Variants in ANXA8 observed in about 807,000 individuals in gnomAD.
ANXA8 encodes annexin A8.
In ANXA8, 9 loss-of-function variants were observed where a neutral mutation model predicts 26.8. That is an observed-to-expected ratio of 0.34 (90% CI 0.20 to 0.59). ANXA8 has a LOEUF of 0.59. Ranked by LOEUF, ANXA8 falls within the 20% of genes least tolerant of loss-of-function variation. The pLI is 0.84. For synonymous variants in ANXA8, 39 were observed against 94.8 expected, an observed-to-expected ratio of 0.41 and a Z score of 3.42; for missense variants, 83 against 238.5, an observed-to-expected ratio of 0.35 and a Z score of 4.29.
the ANXA8 span, among the ~76,000 whole-genome samples, chr10:47,666,225 G>A: frequency 6.8e-6 from 1 of 146,794 alleles, no homozygotes; most frequent in African/African-American, 2.6e-5. Flanking sequence ...TTTTTGTTGG[G>A]AGGCTTATGT....
At chr10:47,694,387 A>G in the ANXA8 span, among the ~76,000 whole-genome samples, 4 of 144,774 alleles carry the variant, frequency 2.8e-5, no homozygotes, top group Non-Finnish European at 4.5e-5. Flanking sequence ...CATACTACCT[A>G]TTGATATATA....
chr10:47,946,481 T>C, the ANXA8 span, among the ~76,000 whole-genome samples: 1 of 150,220 alleles, frequency 6.7e-6, no homozygotes, highest in Non-Finnish European at 1.5e-5. Context: ...AGCAAATGCT[T>C]AGTAAGCATT....
At chr10:47,630,095 A>AACTCATAGGAATTAGAT in the ANXA8 span, among the ~76,000 whole-genome samples, 3 of 40,274 alleles carry the variant, frequency 7.4e-5, no homozygotes, top group East Asian at 8.5e-4. Context: ...TAAACTGAAA[A>AACTCATAGGAATTAGAT]GTGTGTTTTA....
chr10:47,700,503 C>T, the ANXA8 span, among the ~76,000 whole-genome samples: 2 of 151,658 alleles, frequency 1.3e-5, no homozygotes, highest in South Asian at 4.2e-4. Flanking sequence ...TAATAAACAC[C>T]ATATGGATTA....
At chr10:47,589,840 C>T in the ANXA8 span, among the ~76,000 whole-genome samples, 8 of 144,834 alleles carry the variant, frequency 5.5e-5, no homozygotes, top group Non-Finnish European at 1.0e-4. Context: ...AGATTCTCCA[C>T]TAGATCTAAG....
At chr10:47,607,935 G>A in the ANXA8 span, among the ~76,000 whole-genome samples, 1 of 130,954 alleles carries the variant, frequency 7.6e-6, no homozygotes, top group African/African-American at 3.2e-5. Flanking sequence ...TATGAAAACT[G>A]TTTAATCTGT....
the ANXA8 span, among the ~76,000 whole-genome samples, chr10:47,681,463 CT>C: frequency 3.3e-5 from 5 of 149,372 alleles, no homozygotes; most frequent in South Asian, 2.1e-4. Context: ...AGGCATACCC[CT>C]GGCACCTACC....
the ANXA8 span, among the ~76,000 whole-genome samples, chr10:47,977,642 A>C: frequency 1.3e-5 from 2 of 151,676 alleles, no homozygotes; most frequent in Admixed American, 1.3e-4. Context: ...AAAAAGGGAA[A>C]AAAATAAAAT....
chr10:47,587,241 G>A, the ANXA8 span, among the ~76,000 whole-genome samples: 1 of 148,788 alleles, frequency 6.7e-6, no homozygotes. Flanking sequence ...AAATGGATTA[G>A]CTTGCTGACA....
At chr10:47,929,591 T>C in the ANXA8 span, among the ~76,000 whole-genome samples, 2 of 143,444 alleles carry the variant, frequency 1.4e-5, no homozygotes, top group Non-Finnish European at 3.1e-5. Flanking sequence ...CATCTCAAGC[T>C]TGGCACATTC....
chr10:47,488,406 T>TAG (rs1349903517), upstream of ANXA8, among the ~76,000 whole-genome samples: 97 of 139,576 alleles, frequency 6.9e-4, 1 homozygote, highest in African/African-American at 2.6e-3. Flanking sequence ...CAATGGGGTT[T>TAG]TACCATATTG....
chr10:47,556,878 T>C, the ANXA8 span, among the ~76,000 whole-genome samples: 3 of 148,962 alleles, frequency 2.0e-5, no homozygotes, highest in Non-Finnish European at 4.5e-5. Flanking sequence ...CTTTTCAAAA[T>C]TTATTCAGGT....
At chr10:47,620,811 T>C in the ANXA8 span, among the ~76,000 whole-genome samples, 1 of 108,648 alleles carries the variant, frequency 9.2e-6, no homozygotes, top group Non-Finnish European at 2.0e-5. Flanking sequence ...ACAGGTTTCC[T>C]GTTATCCACT....
At chr10:47,649,921 A>G in the ANXA8 span, among the ~76,000 whole-genome samples, 1 of 150,318 alleles carries the variant, frequency 6.7e-6, no homozygotes, top group Non-Finnish European at 1.5e-5. Context: ...GTATTATAGG[A>G]ATTGGGGCCA....
the ANXA8 span, among the ~76,000 whole-genome samples, chr10:47,683,861 A>C: frequency 6.6e-6 from 1 of 151,416 alleles, no homozygotes; most frequent in Non-Finnish European, 1.5e-5. Flanking sequence ...GCATTACTAC[A>C]GGGAGTTTTT....
At chr10:47,500,464 G>C in the ANXA8 span, among the ~76,000 whole-genome samples, 8 of 151,390 alleles carry the variant, frequency 5.3e-5, no homozygotes, top group Non-Finnish European at 8.8e-5. Flanking sequence ...AGGCACCTCA[G>C]TCTGGCATTC....
the ANXA8 span, among the ~76,000 whole-genome samples, chr10:47,722,547 G>T: frequency 7.2e-6 from 1 of 139,854 alleles, no homozygotes; most frequent in Non-Finnish European, 1.6e-5. Flanking sequence ...GGGGCTGGAG[G>T]ATTCATTTCC....
At chr10:47,499,196 T>G in the ANXA8 span, among the ~76,000 whole-genome samples, 2 of 136,784 alleles carry the variant, frequency 1.5e-5, 1 homozygote, top group Non-Finnish European at 3.1e-5. Flanking sequence ...TATGGCAGAT[T>G]AGCATCCAAG....
chr10:47,905,812 G>A, the ANXA8 span, among the ~76,000 whole-genome samples: 1 of 138,040 alleles, frequency 7.2e-6, no homozygotes, highest in Non-Finnish European at 1.5e-5. Flanking sequence ...TTCCCACAAA[G>A]AGTCTAGAGC....
Sources: allele counts gnomAD v4.1 joint callset (sites outside exome capture counted in the v4.1 genomes callset), GRCh38; gene constraint gnomAD v4.1.1; transcripts MANE v1.5; gene names NCBI Gene and HGNC (gene_info 2026-07-23, HGNC 2026-07-21).